Variants in MYT1L observed in about 807,000 individuals in gnomAD.
MYT1L encodes myelin transcription factor 1 like.
A neutral mutation model predicts 126.7 loss-of-function variants in MYT1L; 12 were observed. That is an observed-to-expected ratio of 0.09 (90% CI 0.06 to 0.15). The LOEUF (loss-of-function observed/expected upper bound fraction) is 0.15. Ranked by LOEUF, MYT1L falls within the 10% of genes least tolerant of loss-of-function variation. The probability of loss-of-function intolerance (pLI) is 1.00; values close to 1 mark genes in which losing one functional copy is unlikely to be tolerated. For missense variants in MYT1L, 979 were observed against 1,585.2 expected (o/e 0.62, Z 6.49); for synonymous variants, 541 against 604.2 (o/e 0.90, Z 1.53).
chr2:1,792,997 C>T (rs917253514), intron 23 of MYT1L, among the ~76,000 whole-genome samples: 4 of 151,992 alleles, frequency 2.6e-5, no homozygotes, highest in East Asian at 1.9e-4. Context: ...TTTCCCTGCG[C>T]GATCCTGTTC....
At chr2:2,241,520 C>T (rs2094440342) in intron 2 of MYT1L, among the ~76,000 whole-genome samples, 1 of 152,230 alleles carries the variant, frequency 6.6e-6, no homozygotes, top group African/African-American at 2.4e-5. Context: ...TGGGAGGCCA[C>T]ATGTTGCACT....
At chr2:2,219,712 T>A (rs1303711452) in intron 2 of MYT1L, among the ~76,000 whole-genome samples, 2 of 152,180 alleles carry the variant, frequency 1.3e-5, no homozygotes, top group Non-Finnish European at 2.9e-5. Flanking sequence ...TGCTAGCCAG[T>A]CAGGACAAAT....
chr2:1,873,838 T>C (rs1470643648), intron 18 of MYT1L, among the ~76,000 whole-genome samples: 1 of 152,162 alleles, frequency 6.6e-6, no homozygotes, highest in Non-Finnish European at 1.5e-5. Context: ...AAGAGTAGAA[T>C]ACACTCAAAG....
chr2:1,828,028 C>A (rs4414710), intron 21 of MYT1L: 68,343 of 152,058 alleles, frequency 0.45, 17,563 homozygotes, highest in African/African-American at 0.71. Context: ...AGCCCTGGAG[C>A]AGCCCCAGCG....
rs942063905 is a variant in MYT1L, at chr2:2,059,379, G to C, written c.-303-5256C>G. On this transcript the variant is annotated intron_variant, in intron 3 of 24. Transcript: ENST00000647738. This position sits in a 1 kb window ranked among gnomAD's most constrained non-coding sequence, Gnocchi z 4.7. ...ACCGCAGTAAGCACCCGACGGTCTC[G>C]TGGCACCATAGTAAGCACCCGGCGG... Among the ~76,000 whole-genome samples the C allele has an allele frequency of 6.6e-6, 1 of 152,106 alleles. No homozygotes were observed. Among genetic ancestry groups the C allele is most frequent in the South Asian group, 2.1e-4 (1 of 4,818 alleles).
At chr2:2,187,906 T>C (rs1227605163) in intron 2 of MYT1L, among the ~76,000 whole-genome samples, 1 of 152,278 alleles carries the variant, frequency 6.6e-6, no homozygotes, top group Admixed American at 6.5e-5. Flanking sequence ...AGATTATCCC[T>C]CTCTCTCCAT....
intron 3 of MYT1L, among the ~76,000 whole-genome samples, chr2:2,131,880 A>C (rs115993251): frequency 0.029 from 4,305 of 149,730 alleles, 109 homozygotes; most frequent in Non-Finnish European, 0.044. Context: ...CTAATTCTGG[A>C]AGGGGACATG....
At chr2:2,316,333 T>C (rs756799441) in intron 1 of MYT1L, among the ~76,000 whole-genome samples, 10 of 152,222 alleles carry the variant, frequency 6.6e-5, no homozygotes, top group Non-Finnish European at 1.2e-4. Context: ...AGTTCTTGCT[T>C]GTCATTTTGG....
intron 3 of MYT1L, among the ~76,000 whole-genome samples, chr2:2,065,825 C>T (rs1215967225): frequency 1.2e-5 from 1 of 86,088 alleles, no homozygotes; most frequent in Admixed American, 1.0e-4. Flanking sequence ...CTCTTTTATA[C>T]ACACACACAC....
chr2:2,113,402 G>C (rs1309940527), intron 3 of MYT1L, among the ~76,000 whole-genome samples: 1 of 152,194 alleles, frequency 6.6e-6, no homozygotes, highest in Non-Finnish European at 1.5e-5. Context: ...CGACAGGCAC[G>C]CGCTCCGTCC....
intron 21 of MYT1L, among the ~76,000 whole-genome samples, chr2:1,818,305 G>A (rs1421208247): frequency 2.0e-5 from 3 of 152,180 alleles, no homozygotes; most frequent in Admixed American, 2.0e-4. Context: ...AGCTGCGGGT[G>A]GGAAGAGCCC....
chr2:2,105,112 C>T (rs1467605962), intron 3 of MYT1L, among the ~76,000 whole-genome samples: 1 of 152,150 alleles, frequency 6.6e-6, no homozygotes, highest in African/African-American at 2.4e-5. Flanking sequence ...ATATCTAAGA[C>T]AAGAGTGACT....
chr2:2,246,767 G>A (rs2094543806), intron 2 of MYT1L, among the ~76,000 whole-genome samples: 1 of 152,178 alleles, frequency 6.6e-6, no homozygotes, highest in Non-Finnish European at 1.5e-5. Context: ...GAAGATGAGT[G>A]CTAATTAATT....
intron 8 of MYT1L, among the ~76,000 whole-genome samples, chr2:1,971,816 T>G (rs2149448769): frequency 6.6e-6 from 1 of 152,194 alleles, no homozygotes; most frequent in African/African-American, 2.4e-5. Flanking sequence ...AGGCCTGAAT[T>G]TTGTGTCTGC....
At chr2:2,107,886 G>GCA (rs1324975657) in intron 3 of MYT1L, among the ~76,000 whole-genome samples, 2 of 152,168 alleles carry the variant, frequency 1.3e-5, no homozygotes, top group African/African-American at 4.8e-5. Context: ...CGCAGTTGCT[G>GCA]CACACACGGA....
At chr2:1,816,152 A>G (rs1329482277) in intron 21 of MYT1L, 1 of 152,448 alleles carries the variant, frequency 6.6e-6, no homozygotes, top group East Asian at 1.9e-4. Flanking sequence ...GTTGTTAAGA[A>G]ATAAAACAGA....
At chr2:1,933,654 G>A (rs952460104) in intron 9 of MYT1L, among the ~76,000 whole-genome samples, 3 of 152,084 alleles carry the variant, frequency 2.0e-5, no homozygotes, top group African/African-American at 7.2e-5. Flanking sequence ...ATGTTTAGAT[G>A]GGGTTTCTGG....
intron 2 of MYT1L, among the ~76,000 whole-genome samples, chr2:2,273,356 A>C (rs2095301890): frequency 6.6e-6 from 1 of 152,218 alleles, no homozygotes; most frequent in Non-Finnish European, 1.5e-5. Context: ...GATGTTTGGA[A>C]ACAACAGAGA....
intron 2 of MYT1L, among the ~76,000 whole-genome samples, chr2:2,190,555 T>TAAA (rs777939174): frequency 0.13 from 13,660 of 107,922 alleles, 749 homozygotes; most frequent in Non-Finnish European, 0.15. Flanking sequence ...CAAGACCTGT[T>TAAA]AAAAAAAAAA....
Sources: allele counts gnomAD v4.1 joint callset (sites outside exome capture counted in the v4.1 genomes callset), GRCh38; gene constraint gnomAD v4.1.1; non-coding constraint Gnocchi (gnomAD v3.1); transcripts MANE v1.5; gene names NCBI Gene and HGNC (gene_info 2026-07-23, HGNC 2026-07-21).